PLCE1: variants seen among roughly 807,000 people sequenced by gnomAD.
PLCE1 encodes the protein 1-phosphatidylinositol 4,5-bisphosphate phosphodiesterase epsilon-1.
Under a neutral mutation model 242.8 loss-of-function variants are expected in PLCE1, and 119 were observed. That is an observed-to-expected ratio of 0.49 (90% CI 0.42 to 0.57). The LOEUF is 0.57. Ranked by LOEUF, PLCE1 falls within the 20% of genes least tolerant of loss-of-function variation. The probability of loss-of-function intolerance (pLI) is 0.00; values close to 1 mark genes in which losing one functional copy is unlikely to be tolerated. For missense variants in PLCE1, 2,441 were observed against 2,788.8 expected, an observed-to-expected ratio of 0.88 and a Z score of 2.81; for synonymous variants, 945 against 1,017.4, an observed-to-expected ratio of 0.93 and a Z score of 1.35.
chr10:94,248,177 G>A (rs965552572), intron 8 of PLCE1, among the ~76,000 whole-genome samples: 2 of 152,154 alleles, frequency 1.3e-5, no homozygotes, highest in African/African-American at 2.4e-5. Context: ...CCCATGTCAC[G>A]ATTATGAGCA....
chr10:94,073,066 A>G (rs1159358718), intron 2 of PLCE1, among the ~76,000 whole-genome samples: 3 of 151,996 alleles, frequency 2.0e-5, no homozygotes, highest in African/African-American at 7.3e-5. Flanking sequence ...AGGGCACACC[A>G]GTTATCCTGG....
intron 4 of PLCE1, among the ~76,000 whole-genome samples, chr10:94,226,932 C>T (rs935108854): frequency 1.5e-4 from 22 of 147,624 alleles, no homozygotes; most frequent in Admixed American, 6.8e-4. Flanking sequence ...CTCTGCCTCT[C>T]GCTGCTCGCT....
At chr10:94,261,379 C>T (rs1589436430) in intron 13 of PLCE1, among the ~76,000 whole-genome samples, 1 of 152,124 alleles carries the variant, frequency 6.6e-6, no homozygotes, top group African/African-American at 2.4e-5. Flanking sequence ...GGAGGTACTA[C>T]AGTTTGTTTA....
chr10:94,200,185 C>T (rs2048949871), intron 4 of PLCE1, among the ~76,000 whole-genome samples: 1 of 152,176 alleles, frequency 6.6e-6, no homozygotes, highest in Non-Finnish European at 1.5e-5. Context: ...CAACTGACAT[C>T]CCAGTAGCAA....
intron 4 of PLCE1, among the ~76,000 whole-genome samples, chr10:94,218,879 AAAT>A (rs1045002496): frequency 1.3e-3 from 176 of 130,914 alleles, no homozygotes; most frequent in African/African-American, 4.4e-3. Flanking sequence ...TATAATTATA[AAAT>A]AATAATTTTA....
intron 4 of PLCE1, among the ~76,000 whole-genome samples, chr10:94,189,286 ATATAT>A (rs1480557079): frequency 6.7e-6 from 1 of 148,336 alleles, no homozygotes; most frequent in African/African-American, 2.4e-5. Flanking sequence ...CATATTTAAT[ATATAT>A]TATATAATAT....
At chr10:94,037,729 T>G (rs1481724465) in intron 2 of PLCE1, among the ~76,000 whole-genome samples, 3 of 152,184 alleles carry the variant, frequency 2.0e-5, no homozygotes, top group Non-Finnish European at 4.4e-5. Context: ...ATGATTGGAC[T>G]GCTTTCCCTT....
At position 94,234,034 on chromosome 10, in the gene PLCE1, A is replaced by G; in HGVS notation, c.1956-20A>G. ...TATTATTTCTCCTTCAGTCTGAAAAATGTCATTTACTTGCAATAGGTCAAG... is the reference window on the plus strand; with the variant it reads ...TATTATTTCTCCTTCAGTCTGAAAAGTGTCATTTACTTGCAATAGGTCAAG... On this transcript the variant is annotated intron_variant, in intron 5 of 32. Transcript: ENST00000371380. 1.2e-6 allele frequency: 2 copies of G among 1,605,986 alleles called. No homozygotes were observed. Among genetic ancestry groups the G allele is most frequent in the Non-Finnish European group, 1.7e-6 (2 of 1,172,982 alleles).
intron 14 of PLCE1, among the ~76,000 whole-genome samples, chr10:94,264,921 A>G (rs975617839): frequency 8.5e-5 from 13 of 152,150 alleles, no homozygotes; most frequent in Non-Finnish European, 1.6e-4. Flanking sequence ...TGAGCCCAGA[A>G]GTTTGAGGCC....
At chr10:94,310,916 C>T (rs1196159867) in intron 27 of PLCE1, among the ~76,000 whole-genome samples, 2 of 152,168 alleles carry the variant, frequency 1.3e-5, no homozygotes, top group Admixed American at 1.3e-4. Context: ...CCCAGGTTGT[C>T]ACCAGGACTT....
At chr10:94,206,850 C>A (rs1159599769) in intron 4 of PLCE1, among the ~76,000 whole-genome samples, 3 of 152,142 alleles carry the variant, frequency 2.0e-5, no homozygotes, top group Non-Finnish European at 4.4e-5. Flanking sequence ...AGCCTCCAGG[C>A]CCCCAGATTT....
intron 5 of PLCE1, 86 bp downstream of exon 5, chr10:94,227,537 C>A: frequency 2.4e-6 from 3 of 1,256,740 alleles, no homozygotes; most frequent in South Asian, 2.4e-5. Context: ...AGGGACTCAC[C>A]TTTACCCAAG....
rs150437075 is a variant in PLCE1 at position 94,169,993 on chromosome 10, A to G, written c.1493-1187A>G. Among the ~76,000 whole-genome samples, 634 of 152,334 alleles carry G rather than the reference A, an allele frequency of 4.2e-3. 5 individuals are homozygous for G. The highest frequency in any genetic ancestry group is 0.013 in the African/African-American group (548 of 41,568). On this transcript the variant is annotated intron_variant, in intron 3 of 32. Transcript: ENST00000371380. ...ATTTTGTTAGACAGAATAAAAGGGA[A>G]GAAAGAAGTCAAATTCAGGGATGAT...
rs557046196 is a variant in PLCE1, at chr10:94,327,668, G to GTAGT, written c.*25-296_*25-293dup. The stretch of plus-strand genomic sequence containing the variant: ...AGAACATATTCATCTATCTGAAGTA[G>GTAGT]TAGTTAGCTGAAGGAATTCCACCTT... On this transcript the variant is annotated intron_variant, in intron 32 of 32. Coordinates refer to ENST00000371380, the MANE Select transcript of PLCE1 (RefSeq NM_016341.4). 6.6e-5 allele frequency among the ~76,000 whole-genome samples: 10 copies of GTAGT among 152,290 alleles called. No homozygotes were observed. In the East Asian group the frequency reaches 1.5e-3, roughly 23 times the overall value.
chr10:94,035,588 T>C (rs2061648493), intron 2 of PLCE1, among the ~76,000 whole-genome samples: 1 of 152,196 alleles, frequency 6.6e-6, no homozygotes, highest in Admixed American at 6.5e-5. Flanking sequence ...AGGAGGCTAT[T>C]GGCATTTTTA....
rs995454267 is a variant in PLCE1 at position 94,160,653 on chromosome 10, A to G, written c.1493-10527A>G. On this transcript the variant is annotated intron_variant, in intron 3 of 32. Coordinates refer to ENST00000371380, the MANE Select transcript of PLCE1 (RefSeq NM_016341.4). ...ATCCCATTTGTCAATTTTGTCTTTT[A>G]TTGCCATTGCTTTTGGTGTTTTAGA... 3.4e-3 allele frequency among the ~76,000 whole-genome samples: 520 copies of G among 152,090 alleles called. 1 individual carries two copies. Among genetic ancestry groups the G allele is most frequent in the Non-Finnish European group, 4.7e-3 (319 of 67,988 alleles).
At chr10:94,064,871 A>G (rs561699044) in intron 2 of PLCE1, among the ~76,000 whole-genome samples, 1 of 152,276 alleles carries the variant, frequency 6.6e-6, no homozygotes, top group South Asian at 2.1e-4. Flanking sequence ...TTTTCCTGGC[A>G]GAGCCCTGAG....
At chr10:94,197,256 T>A (rs149668813) in intron 4 of PLCE1, among the ~76,000 whole-genome samples, 188 of 152,334 alleles carry the variant, frequency 1.2e-3, no homozygotes, top group African/African-American at 4.5e-3. Context: ...GCCATTTGAA[T>A]TATGTATACT....
intron 2 of PLCE1, among the ~76,000 whole-genome samples, chr10:94,058,594 T>A (rs2043966646): frequency 6.6e-6 from 1 of 152,126 alleles, no homozygotes; most frequent in Admixed American, 6.6e-5. Context: ...TCTCCCTCCC[T>A]TCATTGGTCA....
Sources: allele counts gnomAD v4.1 joint callset (sites outside exome capture counted in the v4.1 genomes callset), GRCh38; gene constraint gnomAD v4.1.1; transcripts MANE v1.5; gene names NCBI Gene and HGNC (gene_info 2026-07-23, HGNC 2026-07-21).